Variants in ELP4 observed in about 807,000 individuals in gnomAD.
ELP4 encodes the protein elongator acetyltransferase complex subunit 4.
In ELP4, 51 loss-of-function variants were observed where a neutral mutation model predicts 48.9. The ratio of observed to expected loss-of-function variants is 1.04; its 90% CI spans 0.83 to 1.32. The LOEUF is 1.32. Ranked by LOEUF, ELP4 falls within the 40% of genes most tolerant of loss-of-function variation. The pLI is 0.00. For synonymous variants in ELP4, 210 were observed against 189.2 expected (o/e 1.11, Z -0.90); for missense variants, 519 against 514.6 (o/e 1.01, Z -0.08).
intron 3 of ELP4, among the ~76,000 whole-genome samples, chr11:31,546,952 A>G (rs970067562): frequency 2.6e-5 from 4 of 152,206 alleles, no homozygotes; most frequent in Non-Finnish European, 5.9e-5. Context: ...ACAAAGACAC[A>G]ACGTACCAGA....
intron 2 of ELP4, among the ~76,000 whole-genome samples, chr11:31,525,567 A>G (rs1222185937): frequency 6.6e-6 from 1 of 152,212 alleles, no homozygotes; most frequent in Non-Finnish European, 1.5e-5. Flanking sequence ...TCAACAGAGT[A>G]TGCCTATGTA....
intron 9 of ELP4, among the ~76,000 whole-genome samples, chr11:31,668,675 CGT>C (rs367795416): frequency 0.2 from 24,222 of 120,814 alleles, 3,345 homozygotes; most frequent in Non-Finnish European, 0.26. Context: ...CCTTTGGTAC[CGT>C]GTGTGTGTGT....
intron 9 of ELP4, among the ~76,000 whole-genome samples, chr11:31,770,031 T>C (rs1276340625): frequency 6.6e-6 from 1 of 152,168 alleles, no homozygotes; most frequent in Non-Finnish European, 1.5e-5. Context: ...GTTAAAATAG[T>C]AGTCTATCTA....
At chr11:31,776,175 A>AAAG (rs1491411536) in intron 9 of ELP4, among the ~76,000 whole-genome samples, 9 of 148,766 alleles carry the variant, frequency 6.0e-5, no homozygotes, top group African/African-American at 2.3e-4. Flanking sequence ...AAAAAAAAAA[A>AAAG]GAGTATGGGA....
At chr11:31,601,780 T>C (rs1486200145) in intron 4 of ELP4, among the ~76,000 whole-genome samples, 1 of 152,138 alleles carries the variant, frequency 6.6e-6, no homozygotes, top group Non-Finnish European at 1.5e-5. Flanking sequence ...TTATTCATGC[T>C]TATTTGATTC....
chr11:31,612,916 G>C (rs1052417321), intron 5 of ELP4, among the ~76,000 whole-genome samples: 2 of 152,134 alleles, frequency 1.3e-5, no homozygotes, highest in Non-Finnish European at 2.9e-5. Flanking sequence ...ATTTGAAAGT[G>C]ATACTGGAAA....
At chr11:31,536,281 G>T (rs957648934) in intron 2 of ELP4, among the ~76,000 whole-genome samples, 4 of 152,030 alleles carry the variant, frequency 2.6e-5, no homozygotes, top group Admixed American at 6.6e-5. Context: ...GTACCCAAGA[G>T]TAGAATTCCT....
At chr11:31,510,754 T>A (rs906517095) in intron 1 of ELP4, 10 of 181,936 alleles carry the variant, frequency 5.5e-5, no homozygotes, top group Non-Finnish European at 1.0e-4. Context: ...ATCTCTGGAA[T>A]TTTTTATGAG....
chr11:31,781,951 A>G (rs1485758548), intron 9 of ELP4, among the ~76,000 whole-genome samples: 1 of 152,204 alleles, frequency 6.6e-6, no homozygotes, highest in Non-Finnish European at 1.5e-5. Context: ...TAATTGCTTA[A>G]TAAGTGACAG....
At chr11:31,517,679 C>T (rs1465803166) in intron 1 of ELP4, among the ~76,000 whole-genome samples, 6 of 151,312 alleles carry the variant, frequency 4.0e-5, no homozygotes, top group African/African-American at 9.7e-5. Flanking sequence ...TGCAGTGGCG[C>T]GATCTCAGCT....
At chr11:31,667,736 G>C (rs1362993699) in intron 9 of ELP4, among the ~76,000 whole-genome samples, 1 of 152,112 alleles carries the variant, frequency 6.6e-6, no homozygotes, top group Non-Finnish European at 1.5e-5. Context: ...TTCTGAATAA[G>C]AGGGAGTACT....
rs1415516770 is a variant in ELP4, at chr11:31,539,550, T to A, written c.260-112T>A. The A allele has an allele frequency of 4.6e-6, 5 of 1,098,584 alleles. No homozygotes were observed. The East Asian group carries it at 1.3e-4, about 28-fold the overall frequency. The allele number at this position is 1,098,584 out of a possible 1,614,324, so 68.1% of individuals were successfully genotyped here. ...TACGCAGTTTTTGTTCCACCTCATATACTTGTTTTAAGGAAAAAAAATATA... is the reference window on the plus strand; with the variant it reads ...TACGCAGTTTTTGTTCCACCTCATAAACTTGTTTTAAGGAAAAAAAATATA... On this transcript the variant is annotated intron_variant, in intron 2 of 9. Transcript: ENST00000640961.
At chr11:31,672,666 C>T (rs890896239) in intron 9 of ELP4, among the ~76,000 whole-genome samples, 2 of 152,008 alleles carry the variant, frequency 1.3e-5, no homozygotes, top group African/African-American at 2.4e-5. Flanking sequence ...GTGGTGGGCA[C>T]CTATAGTCCT....
rs780870860 is a variant in ELP4, at chr11:31,632,237, A to C, written c.759A>C (p.Leu253Phe). 1.7e-5 allele frequency: 27 copies of C among 1,598,954 alleles called. No homozygotes were observed. In the Admixed American group the frequency reaches 4.9e-4, roughly 29 times the overall value. ...SNPQKKQRNILRIGIQNLGSP... is the reference protein window; with the variant it reads ...SNPQKKQRNIFRIGIQNLGSP... ...TTTAGAAAAAACAGAGAAACATTTT[A>C]AGAATAGGAATTCAGAATCTTGGCT... is the stretch of plus-strand genomic sequence containing the variant. Residue 253 changes from leucine (L) to phenylalanine (F), a missense_variant, in exon 7 of 10, where the codon TTA (leucine) becomes TTC (phenylalanine). Leu to Phe is a conservative substitution (Grantham distance 22). Transcript: ENST00000640961.
intron 9 of ELP4, among the ~76,000 whole-genome samples, chr11:31,702,419 A>G (rs558024581): frequency 4.7e-4 from 72 of 152,226 alleles, no homozygotes; most frequent in African/African-American, 1.6e-3. Context: ...ATGGATACAG[A>G]GTTTCAATTT....
chr11:31,719,669 C>T (rs2134184163), intron 9 of ELP4: 1 of 388,356 alleles, frequency 2.6e-6, no homozygotes, highest in East Asian at 3.6e-5. Context: ...GCGAATTATA[C>T]AGCATAAGAA....
intron 7 of ELP4, among the ~76,000 whole-genome samples, chr11:31,636,805 A>G (rs762041622): frequency 3.3e-5 from 5 of 151,996 alleles, no homozygotes; most frequent in Admixed American, 6.6e-5. Context: ...AATGGCAAGC[A>G]TACTTTGGAA....
intron 3 of ELP4, among the ~76,000 whole-genome samples, chr11:31,562,654 G>T (rs997889933): frequency 1.3e-5 from 2 of 151,998 alleles, no homozygotes; most frequent in Admixed American, 6.6e-5. Context: ...CAGTGATATT[G>T]CCACTTTTAT....
intron 2 of ELP4, 49 bp downstream of exon 2, chr11:31,520,140 G>A (rs1286634241): frequency 2.0e-6 from 3 of 1,493,030 alleles, no homozygotes; most frequent in Non-Finnish European, 2.7e-6. Flanking sequence ...GTTTTCTGTT[G>A]TGCATAATCA....
Sources: allele counts gnomAD v4.1 joint callset (sites outside exome capture counted in the v4.1 genomes callset), GRCh38; gene constraint gnomAD v4.1.1; transcripts MANE v1.5; gene names NCBI Gene and HGNC (gene_info 2026-07-23, HGNC 2026-07-21).